The following ADGRL2 variants were observed in gnomAD, a reference collection of about 807,000 sequenced individuals.
ADGRL2 encodes adhesion G protein-coupled receptor L2.
ADGRL2 carries 44 observed loss-of-function variants against 157.4 expected under a neutral mutation model. The ratio of observed to expected loss-of-function variants is 0.28; its 90% CI spans 0.22 to 0.36. The LOEUF is 0.36. ADGRL2 is among the 10% of genes least tolerant of loss of function. The pLI is 1.00. For missense variants in ADGRL2, 1,510 were observed against 1,768.9 expected (o/e 0.85, Z 2.63); for synonymous variants, 585 against 624.7 (o/e 0.94, Z 0.95).
chr1:81,312,568 C>T (rs554541589), intron 1 of ADGRL2, among the ~76,000 whole-genome samples: 1 of 152,168 alleles, frequency 6.6e-6, no homozygotes, highest in South Asian at 2.1e-4. Context: ...GATTTTCTAC[C>T]CATTGAGGTA....
chr1:81,663,278 TA>T (rs2082693598), intron 3 of ADGRL2, among the ~76,000 whole-genome samples: 1 of 152,060 alleles, frequency 6.6e-6, no homozygotes, highest in Non-Finnish European at 1.5e-5. Flanking sequence ...TTTCTGAGGG[TA>T]GCACCAGGAG....
chr1:81,388,200 G>A (rs2076471780), intron 1 of ADGRL2, among the ~76,000 whole-genome samples: 1 of 152,092 alleles, frequency 6.6e-6, no homozygotes, highest in African/African-American at 2.4e-5. Flanking sequence ...TGTCCCTTCT[G>A]ACTGATGATT....
intron 1 of ADGRL2, among the ~76,000 whole-genome samples, chr1:81,340,893 G>GT (rs34286374): frequency 0.36 from 52,104 of 145,068 alleles, 9,338 homozygotes; most frequent in African/African-American, 0.44. Flanking sequence ...GGGAGCAAAG[G>GT]TTTTTTTTTT....
At chr1:81,629,010 T>A (rs4650572) in intron 3 of ADGRL2, among the ~76,000 whole-genome samples, 129,373 of 152,134 alleles carry the variant, frequency 0.85, 55,267 homozygotes, top group African/African-American at 0.92. Context: ...TAGAGTTTTC[T>A]AGGAGAAAGT....
chr1:81,777,356 T>A (rs1295502699), intron 2 of ADGRL2, among the ~76,000 whole-genome samples: 1 of 152,252 alleles, frequency 6.6e-6, no homozygotes, highest in Non-Finnish European at 1.5e-5. Flanking sequence ...CCAGGAGTAC[T>A]GTTGCTAAGT....
intron 2 of ADGRL2, among the ~76,000 whole-genome samples, chr1:81,862,240 A>G (rs949454215): frequency 6.6e-6 from 1 of 152,152 alleles, no homozygotes; most frequent in Non-Finnish European, 1.5e-5. Context: ...CTAAATTTCA[A>G]AAATAGATAA....
intron 1 of ADGRL2, chr1:81,426,670 A>T: frequency 2.1e-6 from 1 of 467,730 alleles, no homozygotes. Flanking sequence ...ACCCCCAAAG[A>T]AAACGTTCCA....
intron 1 of ADGRL2, among the ~76,000 whole-genome samples, chr1:81,436,833 T>A (rs2077418501): frequency 6.6e-6 from 1 of 152,344 alleles, no homozygotes; most frequent in African/African-American, 2.4e-5. Flanking sequence ...CTTCATCTCT[T>A]AATCAGATAC....
At chr1:81,575,722 T>C (rs1301083486) in intron 2 of ADGRL2, among the ~76,000 whole-genome samples, 1 of 152,084 alleles carries the variant, frequency 6.6e-6, no homozygotes, top group African/African-American at 2.4e-5. Flanking sequence ...TTAATGTAAA[T>C]ATAGGAATAT....
At chr1:81,885,188 A>G (rs938386240) in intron 2 of ADGRL2, among the ~76,000 whole-genome samples, 2 of 152,294 alleles carry the variant, frequency 1.3e-5, no homozygotes, top group South Asian at 4.1e-4. Context: ...GGTATCATCT[A>G]TTTGGCAATG....
intron 17 of ADGRL2, among the ~76,000 whole-genome samples, chr1:81,977,858 G>C (rs1660612338): frequency 6.6e-6 from 1 of 151,594 alleles, no homozygotes; most frequent in Admixed American, 6.6e-5. Context: ...AAAGTAAATT[G>C]TTCTTATCAG....
At position 81,777,202 on chromosome 1, in the gene ADGRL2, A is replaced by T. The variant is rs369255861; in HGVS notation, c.-101+15350A>T. 3.9e-5 allele frequency among the ~76,000 whole-genome samples: 6 copies of T among 152,322 alleles called. No homozygotes were observed. The South Asian group carries it at 1.2e-3, about 32-fold the overall frequency. ...TGGTAATCTAAACAATTTGAAATAG[A>T]GTTAGATTATATTCTCCATTATTCT... is the stretch of plus-strand genomic sequence containing the variant. On this transcript the variant is annotated intron_variant, in intron 2 of 20. Transcript: ENST00000359929.
intron 2 of ADGRL2, among the ~76,000 whole-genome samples, chr1:81,499,545 T>C (rs140741965): frequency 2.0e-5 from 3 of 152,374 alleles, no homozygotes; most frequent in Admixed American, 6.5e-5. Flanking sequence ...GTGTTGGTTC[T>C]AACAAAGGTA....
intron 1 of ADGRL2, among the ~76,000 whole-genome samples, chr1:81,815,066 A>G (rs1325233539): frequency 6.6e-6 from 1 of 151,816 alleles, no homozygotes; most frequent in Non-Finnish European, 1.5e-5. Flanking sequence ...TAATAGGAAT[A>G]TGATTGCTAA....
At chr1:81,859,362 A>G (rs980784029) in intron 2 of ADGRL2, among the ~76,000 whole-genome samples, 5 of 150,552 alleles carry the variant, frequency 3.3e-5, no homozygotes, top group African/African-American at 1.2e-4. Flanking sequence ...TTGTTCTTCT[A>G]TATTAGAAAT....
intron 1 of ADGRL2, among the ~76,000 whole-genome samples, chr1:81,818,105 G>C (rs1418254): frequency 6.6e-6 from 1 of 151,994 alleles, no homozygotes; most frequent in Non-Finnish European, 1.5e-5. Flanking sequence ...ATGAGTACGA[G>C]GCTGCATTGA....
intron 2 of ADGRL2, among the ~76,000 whole-genome samples, chr1:81,488,102 G>A (rs2078548239): frequency 1.3e-5 from 2 of 151,858 alleles, no homozygotes; most frequent in Admixed American, 6.6e-5. Context: ...TTTAAAGAAT[G>A]AGCACCATTT....
At chr1:81,694,208 A>G (rs72718812) in intron 3 of ADGRL2, among the ~76,000 whole-genome samples, 2,680 of 152,312 alleles carry the variant, frequency 0.018, 33 homozygotes, top group South Asian at 0.054. Flanking sequence ...TATTATGTGC[A>G]TTTAAAAAAA....
At chr1:81,825,657 C>CAAAAA (rs71085375) in intron 1 of ADGRL2, among the ~76,000 whole-genome samples, 28 of 86,728 alleles carry the variant, frequency 3.2e-4, no homozygotes, top group African/African-American at 5.3e-4. Context: ...ACCCTGTCTC[C>CAAAAA]AAAAAAAAAA....
Sources: allele counts gnomAD v4.1 joint callset (sites outside exome capture counted in the v4.1 genomes callset), GRCh38; gene constraint gnomAD v4.1.1; transcripts MANE v1.5; gene names NCBI Gene and HGNC (gene_info 2026-07-23, HGNC 2026-07-21).